Variants in ARHGEF17 observed in about 807,000 individuals in gnomAD.
ARHGEF17 encodes the protein Rho guanine nucleotide exchange factor 17, also known as 164 kDa Rho-specific guanine-nucleotide exchange factor.
ARHGEF17 carries 80 observed loss-of-function variants against 174.0 expected under a neutral mutation model. That is an observed-to-expected ratio of 0.46 (90% CI 0.38 to 0.55). The LOEUF (loss-of-function observed/expected upper bound fraction) is 0.55, where lower values mean the gene tolerates loss of function less well. Among genes scored for constraint, ARHGEF17 ranks in the 20% least tolerant of loss-of-function variants. The pLI, the probability that ARHGEF17 is intolerant of heterozygous loss-of-function variation, is 0.00. For missense variants in ARHGEF17, 2,886 were observed against 2,839.7 expected, an observed-to-expected ratio of 1.02 and a Z score of -0.37; for synonymous variants, 1,311 against 1,189.1, an observed-to-expected ratio of 1.10 and a Z score of -2.11.
In ARHGEF17 at chr11:73,308,379, G is replaced by A. The variant is rs1241135802; in HGVS notation, c.-260G>A. On this transcript the variant is annotated 5_prime_UTR_variant, in exon 1 of 21. Transcript: ENST00000263674. Reference sequence around the variant, plus strand: ...CCCAGGCGGTGCCGCGGTGCCCCTGGTCGCTCCAGCCGCGGCGGGGGCTGG... The same window carrying A: ...CCCAGGCGGTGCCGCGGTGCCCCTGATCGCTCCAGCCGCGGCGGGGGCTGG... 2.7e-6 allele frequency: 1 copy of A among 375,592 alleles called. No homozygotes were observed. Among genetic ancestry groups the A allele is most frequent in the Admixed American group, 4.6e-5 (1 of 21,590 alleles). The allele number at this position is 375,592 out of a possible 1,614,324, so 23.3% of individuals were successfully genotyped here.
intron 1 of ARHGEF17, among the ~76,000 whole-genome samples, chr11:73,329,536 A>T (rs939403544): frequency 6.7e-6 from 1 of 149,698 alleles, no homozygotes; most frequent in African/African-American, 2.5e-5. Flanking sequence ...AGTAGCTTGG[A>T]TTACAGGTAT....
intron 20 of ARHGEF17, among the ~76,000 whole-genome samples, 155 bp downstream of exon 20, chr11:73,366,102 A>C (rs1382570025): frequency 6.6e-6 from 1 of 152,052 alleles, no homozygotes; most frequent in Admixed American, 6.6e-5. Flanking sequence ...GAAGTGTCCA[A>C]ATGAAATCTA....
Position 73,355,409 on chromosome 11 carries a change from T to C in ARHGEF17, c.3454-124T>C. The C allele has an allele frequency of 4.4e-6, 3 of 688,946 alleles. No homozygotes were observed. In the South Asian group the frequency reaches 5.3e-5, roughly 12 times the overall value. The allele number at this position is 688,946 out of a possible 1,614,324, so 42.7% of individuals were successfully genotyped here. On this transcript the variant is annotated intron_variant, in intron 3 of 20. Transcript: ENST00000263674. Reference sequence around the variant, plus strand: ...GCCACAGGACATGTGCCTGATCCCTTAGAGATTGTATCATTTCTAGTTGGA... The same window carrying C: ...GCCACAGGACATGTGCCTGATCCCTCAGAGATTGTATCATTTCTAGTTGGA...
chr11:73,362,869 G>C, intron 14 of ARHGEF17, 135 bp downstream of exon 14: 1 of 1,158,786 alleles, frequency 8.6e-7, no homozygotes. Flanking sequence ...GAGCAATGAG[G>C]GCAGGGGATG....
At chr11:73,319,190 A>G (rs979251392) in intron 1 of ARHGEF17, among the ~76,000 whole-genome samples, 14 of 151,828 alleles carry the variant, frequency 9.2e-5, no homozygotes, top group African/African-American at 3.4e-4. Flanking sequence ...CAGCCTCCCA[A>G]GTAGCTGGGA....
chr11:73,352,779 G>A (rs770804758), intron 2 of ARHGEF17, 51 bp from the exon 3 acceptor site: 1 of 1,603,362 alleles, frequency 6.2e-7, no homozygotes, highest in East Asian at 2.2e-5. Context: ...TGTAGGTGTG[G>A]TGGGGGCGGC....
At chr11:73,314,082 A>G (rs994494526) in intron 1 of ARHGEF17, among the ~76,000 whole-genome samples, 3 of 152,162 alleles carry the variant, frequency 2.0e-5, no homozygotes, top group Admixed American at 6.5e-5. Context: ...AAGTTCTCCC[A>G]TCTGCTAGCT....
intron 1 of ARHGEF17, among the ~76,000 whole-genome samples, chr11:73,329,405 GT>G (rs1362065435): frequency 2.2e-5 from 1 of 44,914 alleles, no homozygotes; most frequent in Admixed American, 2.2e-4. Flanking sequence ...TTGGGTTTTT[GT>G]TTTTTTTTTT....
intron 3 of ARHGEF17, among the ~76,000 whole-genome samples, chr11:73,354,274 G>C (rs1027236537): frequency 2.0e-5 from 3 of 152,206 alleles, no homozygotes; most frequent in African/African-American, 7.2e-5. Context: ...GCTGACCATG[G>C]ACTACGGCGA....
At chr11:73,350,612 A>G (rs916715730) in intron 2 of ARHGEF17, among the ~76,000 whole-genome samples, 3 of 152,200 alleles carry the variant, frequency 2.0e-5, no homozygotes, top group Non-Finnish European at 4.4e-5. Flanking sequence ...AAAATGAACA[A>G]AGAAGTTAAA....
Position 73,365,941 on chromosome 11 carries a change from G to C in ARHGEF17, c.5989G>C (p.Asp1997His), listed in dbSNP as rs1300695117. The stretch of plus-strand genomic sequence containing the variant: ...CTGCCCAACCCCACCACCTCCCCCA[G>C]ACACAGGTGGGTCAGTGCATCATAC... ...LLCPTPPPPP[D>H]TGPEKLPSLE... is the part of the protein sequence containing the mutation. The change falls in exon 20 of 21, where the codon GAC becomes CAC. Residue 1997 changes from aspartate to histidine, a missense_variant. Asp to His is a moderately conservative substitution (Grantham distance 81). Transcript: ENST00000263674. This position sits in a 1 kb window ranked among gnomAD's most constrained non-coding sequence, Gnocchi z 4.9. The C allele has an allele frequency of 1.9e-6, 3 of 1,601,170 alleles. No individual in the cohort carries two copies. Among genetic ancestry groups the C allele is most frequent in the African/African-American group, 2.7e-5 (2 of 74,904 alleles).
intron 9 of ARHGEF17, among the ~76,000 whole-genome samples, chr11:73,358,638 T>G (rs1246409301): frequency 6.6e-6 from 1 of 151,370 alleles, no homozygotes; most frequent in Non-Finnish European, 1.5e-5. Flanking sequence ...TTTTTTTTTT[T>G]GTATTTTAGT....
At chr11:73,338,869 A>C (rs919715227) in intron 1 of ARHGEF17, among the ~76,000 whole-genome samples, 1 of 151,960 alleles carries the variant, frequency 6.6e-6, no homozygotes, top group Non-Finnish European at 1.5e-5. Context: ...AAGAAGGGAG[A>C]GTAATAATAA....
chr11:73,327,039 T>G (rs966844397), intron 1 of ARHGEF17, among the ~76,000 whole-genome samples: 78 of 152,148 alleles, frequency 5.1e-4, no homozygotes, highest in African/African-American at 1.8e-3. Context: ...TAAACTCTGT[T>G]GGGGGCCAGG....
At position 73,309,293 on chromosome 11, in the gene ARHGEF17, A is replaced by G; in HGVS notation, c.655A>G (p.Ile219Val). 2 of 1,612,114 alleles carry G rather than the reference A, an allele frequency of 1.2e-6. No individual in the cohort carries two copies. The highest frequency in any genetic ancestry group is 2.2e-5 in the East Asian group (1 of 44,782). The change falls in exon 1 of 21, where the codon ATC becomes GTC. Residue 219 changes from isoleucine (I) to valine (V), a missense_variant. Coordinates refer to ENST00000263674, the MANE Select transcript of ARHGEF17 (RefSeq NM_014786.4). ...RPADGLHSWH[I>V]FSQPQAGARA... ...AGCGGATGGTTTACATTCTTGGCAT[A>G]TCTTCTCCCAACCGCAGGCCGGGGC... is the stretch of plus-strand genomic sequence containing the variant.
intron 4 of ARHGEF17, 63 bp downstream of exon 4, chr11:73,355,712 C>T (rs1865626272): frequency 1.3e-6 from 2 of 1,558,394 alleles, no homozygotes; most frequent in Admixed American, 1.7e-5. Flanking sequence ...TTGAGGGCCC[C>T]AGGAGCTCCC....
rs1865543716 is a variant in ARHGEF17 at position 73,351,008 on chromosome 11, T to G, written c.3271-1822T>G. 2.6e-5 allele frequency among the ~76,000 whole-genome samples: 4 copies of G among 152,280 alleles called. No individual in the cohort carries two copies. The South Asian group carries it at 8.3e-4, about 32-fold the overall frequency. The stretch of plus-strand genomic sequence containing the variant: ...TTCCGTATTGGGCTCTCAGTCATTG[T>G]TTGTTCTTTCCTCCTGCTGTGTGCC... On this transcript the variant is annotated intron_variant, in intron 2 of 20. Transcript: ENST00000263674.
Position 73,363,773 on chromosome 11 carries a change from G to A in ARHGEF17, c.5273G>A (p.Ser1758Asn), listed in dbSNP as rs529417155. 6.2e-7 allele frequency: 1 copy of A among 1,614,062 alleles called. No homozygotes were observed. The highest frequency in any genetic ancestry group is 1.1e-5 in the South Asian group (1 of 91,088). The change falls in exon 16 of 21, where the codon AGC becomes AAC. Residue 1758 changes from serine to asparagine, a missense_variant. Around this residue, in one of 4 missense-constraint regions of ARHGEF17, gnomAD observed 329 missense variants for 435.2 expected, o/e 0.76. Transcript: ENST00000263674. The stretch of plus-strand genomic sequence containing the variant: ...GTCCACGTGTACCAGTCCTCCGACA[G>A]CATCCGTGACCGCAGGAACAGCATG... ...GCVHVYQSSD[S>N]IRDRRNSMKL... is the part of the protein sequence containing the mutation.
intron 1 of ARHGEF17, among the ~76,000 whole-genome samples, chr11:73,320,628 CA>C (rs1165583721): frequency 0.26 from 14,912 of 57,668 alleles, 389 homozygotes; most frequent in Non-Finnish European, 0.29. Context: ...GACTCCGTCT[CA>C]AAAAAAAAAA....
Sources: gnomAD v4.1 joint callset for allele counts (sites outside exome capture counted in the v4.1 genomes callset) on GRCh38, gnomAD v4.1.1 for gene constraint, gnomAD v4.1.1 regional missense constraint, Gnocchi (gnomAD v3.1) non-coding constraint, MANE v1.5 for transcripts, NCBI Gene and HGNC (gene_info 2026-07-23, HGNC 2026-07-21) for gene names.